The following HECTD4 variants were observed in gnomAD, a reference collection of about 807,000 sequenced individuals.
HECTD4 encodes HECT domain E3 ubiquitin protein ligase 4, also known as probable E3 ubiquitin-protein ligase HECTD4.
HECTD4 carries 114 observed loss-of-function variants against 471.5 expected under a neutral mutation model. That is an observed-to-expected ratio of 0.24 (90% confidence interval 0.21 to 0.28). The LOEUF is 0.28. Ranked by LOEUF, HECTD4 falls within the 10% of genes least tolerant of loss-of-function variation. The probability of loss-of-function intolerance (pLI) is 1.00; values close to 1 mark genes in which losing one functional copy is unlikely to be tolerated. For synonymous variants in HECTD4, 2,012 were observed against 2,256.0 expected (o/e 0.89, Z 3.07); for missense variants, 3,866 against 5,651.5 (o/e 0.68, Z 10.13).
At chr12:112,250,106 TCCCA>T in intron 25 of HECTD4, 34 bp downstream of exon 25, 4 of 1,465,664 alleles carry the variant, frequency 2.7e-6, no homozygotes, top group Admixed American at 3.7e-5. Flanking sequence ...AACTTTTTTT[TCCCA>T]TTGGGAAAAG....
intron 12 of HECTD4, among the ~76,000 whole-genome samples, 180 bp from the exon 13 acceptor site, chr12:112,270,029 G>A (rs558393813): frequency 6.6e-6 from 1 of 152,246 alleles, no homozygotes; most frequent in East Asian, 1.9e-4. Flanking sequence ...TATATTAATT[G>A]TAATACGCTA....
At chr12:112,268,208 C>T (rs1325652764) in intron 13 of HECTD4, among the ~76,000 whole-genome samples, 2 of 152,154 alleles carry the variant, frequency 1.3e-5, no homozygotes, top group African/African-American at 4.8e-5. Context: ...CATATGTATA[C>T]ACCAATGAAA....
intron 1 of HECTD4, among the ~76,000 whole-genome samples, chr12:112,345,647 C>G (rs2036134968): frequency 6.6e-6 from 1 of 152,034 alleles, no homozygotes; most frequent in Non-Finnish European, 1.5e-5. Context: ...TTAGAAAGAA[C>G]AGGAAGTAGC....
intron 37 of HECTD4, among the ~76,000 whole-genome samples, chr12:112,234,772 A>G: frequency 6.6e-6 from 1 of 152,224 alleles, no homozygotes; most frequent in African/African-American, 2.4e-5. Flanking sequence ...CCCAAGTCAC[A>G]CTGGAGGCTT....
At chr12:112,167,763 G>A in intron 71 of HECTD4, 51 bp downstream of exon 71, 1 of 1,498,008 alleles carries the variant, frequency 6.7e-7, no homozygotes, top group South Asian at 1.1e-5. Context: ...CCCAGCCACT[G>A]CGCAGGACAT....
At chr12:112,237,694 A>C (rs2033545629) in intron 34 of HECTD4, among the ~76,000 whole-genome samples, 1 of 150,242 alleles carries the variant, frequency 6.7e-6, no homozygotes, top group Non-Finnish European at 1.5e-5. Flanking sequence ...CATCCTATCT[A>C]CCTCAGTTGT....
intron 29 of HECTD4, 144 bp from the exon 30 acceptor site, chr12:112,244,153 G>T: frequency 3.3e-6 from 2 of 604,678 alleles, no homozygotes; most frequent in South Asian, 4.2e-5. Flanking sequence ...GCATACTGAT[G>T]GTTTTTACAT....
At chr12:112,303,728 A>G (rs1189210629) in intron 7 of HECTD4, among the ~76,000 whole-genome samples, 1 of 151,744 alleles carries the variant, frequency 6.6e-6, no homozygotes, top group Non-Finnish European at 1.5e-5. Flanking sequence ...ATGCACGCCT[A>G]AGTCCCAGCT....
At chr12:112,200,993 A>G in intron 54 of HECTD4, 195 bp from the exon 55 acceptor site, 1 of 606,902 alleles carries the variant, frequency 1.6e-6, no homozygotes, top group Non-Finnish European at 2.9e-6. Context: ...TTCACAATAC[A>G]TTTTTGAAAC....
intron 7 of HECTD4, chr12:112,302,310 TC>T: frequency 7.8e-6 from 6 of 769,596 alleles, no homozygotes; most frequent in Non-Finnish European, 9.4e-6. Context: ...CCAGCAGCTT[TC>T]TTCTCAGCCT....
intron 72 of HECTD4, 85 bp from the exon 73 acceptor site, chr12:112,164,360 C>G: frequency 5.6e-6 from 8 of 1,432,428 alleles, no homozygotes; most frequent in East Asian, 2.3e-5. Context: ...AAACCCCAAG[C>G]GCAGCTGGTG....
At position 112,265,226 on chromosome 12, in the gene HECTD4, C is replaced by A. The variant is rs1471502324; in HGVS notation, c.2568G>T (p.Lys856Asn). 12 of 1,606,144 alleles carry A rather than the reference C, an allele frequency of 7.5e-6. No individual in the cohort carries two copies. Among genetic ancestry groups the A allele is most frequent in the African/African-American group, 1.3e-5 (1 of 74,674 alleles). Reference sequence around the variant, plus strand: ...AATCATCTTTAGAGACAGTTTGGCACTTGGTGATTAAGATACAGGATTCTC... The same window carrying A: ...AATCATCTTTAGAGACAGTTTGGCAATTGGTGATTAAGATACAGGATTCTC... The part of the protein sequence containing the change: ...VVRESCILIT[K>N]CQTVSKDDFQ... Residue 856 changes from lysine to asparagine, a missense_variant, in exon 16 of 76, where the codon AAG (lysine) becomes AAT (asparagine). Coordinates refer to ENST00000682272, the MANE Select transcript of HECTD4 (RefSeq NM_001388303.1).
Position 112,296,200 on chromosome 12 carries a change from TGTAGGTGCAGACAGTG to T in HECTD4, c.1335+9848_1335+9863del, listed in dbSNP as rs150291134. Among the ~76,000 whole-genome samples, 8,231 of 149,540 alleles carry T rather than the reference TGTAGGTGCAGACAGTG, an allele frequency of 0.055. 1,232 individuals carry two copies. The East Asian group carries it at 0.61, about 11-fold the overall frequency. On this transcript the variant is annotated intron_variant, in intron 7 of 75. Transcript: ENST00000682272. ...GTGCAGTGGATGTAGGTTCAGTGGA[TGTAGGTGCAGACAGTG>T]GTAGGTGCAGACAGTGGTAGGTGCA...
At chr12:112,170,029 T>C (rs1012379977) in intron 69 of HECTD4, 6 of 538,268 alleles carry the variant, frequency 1.1e-5, no homozygotes, top group Non-Finnish European at 2.0e-5. Flanking sequence ...TGACCTTCTC[T>C]CCCTTTCCTT....
At chr12:112,198,543 T>C (rs2032317918) in intron 55 of HECTD4, among the ~76,000 whole-genome samples, 1 of 152,060 alleles carries the variant, frequency 6.6e-6, no homozygotes, top group East Asian at 1.9e-4. Context: ...GCTGTCGTGG[T>C]GGAGGTAGGA....
rs923640641 is a variant in HECTD4, at chr12:112,204,430, TTCAACC to T, written c.8269+50_8269+55del. ...AGCTGCTTGTGCACATTAAGGAAAA[TTCAACC>T]TCTCATTTCATAGGAAATTTCATAG... On this transcript the variant is annotated intron_variant, in intron 53 of 75. Transcript: ENST00000682272. 22 of 1,541,940 alleles carry T rather than the reference TTCAACC, an allele frequency of 1.4e-5. No individual in the cohort carries two copies. In the Admixed American group the frequency reaches 3.4e-4, roughly 24 times the overall value.
rs1008704946 is a variant in HECTD4 at position 112,188,076 on chromosome 12, C to G, written c.9473-2583G>C. ...CCAAGGCAGGTGGGTCACCTGAGGT[C>G]AGGAGACTGAGACCAGCCTGGCTAA... On this transcript the variant is annotated intron_variant, in intron 60 of 75. Coordinates refer to ENST00000682272, the MANE Select transcript of HECTD4 (RefSeq NM_001388303.1). The surrounding 1 kb of genome is among the most constrained non-coding windows in gnomAD (Gnocchi z 4.2). Among the ~76,000 whole-genome samples the G allele has an allele frequency of 6.6e-6, 1 of 152,032 alleles. No individual in the cohort carries two copies. The highest frequency in any genetic ancestry group is 2.4e-5 in the African/African-American group (1 of 41,416).
intron 22 of HECTD4, among the ~76,000 whole-genome samples, chr12:112,253,185 C>T (rs1260817332): frequency 6.6e-6 from 1 of 151,664 alleles, no homozygotes; most frequent in Non-Finnish European, 1.5e-5. Context: ...AGTGCAATGG[C>T]GCAATCTTGA....
chr12:112,240,489 A>G (rs1219754726), intron 32 of HECTD4, among the ~76,000 whole-genome samples: 2 of 149,562 alleles, frequency 1.3e-5, no homozygotes, highest in Non-Finnish European at 3.0e-5. Flanking sequence ...TTGGTCTGTT[A>G]CCCAGGCTGG....
Sources: gnomAD v4.1 joint callset for allele counts (sites outside exome capture counted in the v4.1 genomes callset) on GRCh38, gnomAD v4.1.1 for gene constraint, Gnocchi (gnomAD v3.1) non-coding constraint, MANE v1.5 for transcripts, NCBI Gene and HGNC (gene_info 2026-07-23, HGNC 2026-07-21) for gene names.